Variants in SKI observed in about 807,000 individuals in gnomAD.
The protein encoded by SKI is SKI proto-oncogene.
In SKI, 23 loss-of-function variants were observed where a neutral mutation model predicts 59.3. The ratio of observed to expected loss-of-function variants is 0.39; its 90% CI spans 0.28 to 0.55. The LOEUF is 0.55. SKI is among the 20% of genes least tolerant of loss of function. SKI has a pLI of 0.67. For missense variants in SKI, 1,017 were observed against 1,038.9 expected, an observed-to-expected ratio of 0.98 and a Z score of 0.29; for synonymous variants, 673 against 488.6, an observed-to-expected ratio of 1.38 and a Z score of -4.98.
chr1:2,307,483 C>T lies in SKI; in HGVS notation c.*718C>T, dbSNP rs561087606. 15 of 152,508 alleles carry T rather than the reference C, an allele frequency of 9.8e-5. No individual in the cohort carries two copies. The highest frequency in any genetic ancestry group is 3.4e-4 in the African/African-American group (14 of 41,554). The allele number at this position is 152,508 out of a possible 1,614,324, so 9.4% of individuals were successfully genotyped here. On this transcript the variant is annotated 3_prime_UTR_variant, in exon 7 of 7. Coordinates refer to ENST00000378536, the MANE Select transcript of SKI (RefSeq NM_003036.4). Reference sequence around the variant, plus strand: ...GAGCTGAGGGGACGGTCTTCGGCTCCTCTGCACCCCGTGATTCTGCCCACG... The same window carrying T: ...GAGCTGAGGGGACGGTCTTCGGCTCTTCTGCACCCCGTGATTCTGCCCACG...
At chr1:2,236,468 G>A (rs557513169) in intron 1 of SKI, among the ~76,000 whole-genome samples, 65 of 152,116 alleles carry the variant, frequency 4.3e-4, no homozygotes, top group Non-Finnish European at 8.2e-4. Context: ...GTGCAGTGGC[G>A]TGATCTCGGC....
chr1:2,233,112 A>G (rs1027098223), intron 1 of SKI, among the ~76,000 whole-genome samples: 8 of 151,982 alleles, frequency 5.3e-5, no homozygotes, highest in Non-Finnish European at 1.2e-4. Context: ...ACGTCAGCCA[A>G]GCGCTTTCCG....
rs940141423 is a variant in SKI, at chr1:2,268,213, G to A, written c.970-34765G>A. Among the ~76,000 whole-genome samples, 2 of 152,188 alleles carry A rather than the reference G, an allele frequency of 1.3e-5. No individual in the cohort carries two copies. Among genetic ancestry groups the A allele is most frequent in the Non-Finnish European group, 2.9e-5 (2 of 68,028 alleles). On this transcript the variant is annotated intron_variant, in intron 1 of 6. Coordinates refer to ENST00000378536, the MANE Select transcript of SKI (RefSeq NM_003036.4). This position sits in a 1 kb window ranked among gnomAD's most constrained non-coding sequence, Gnocchi z 5.0. ...CCGCTGCTGTCGCCCATCCTTGGGG[G>A]CCGGCGTCGCCTCCCTGCTGCTCCT...
In SKI at chr1:2,303,395, A is replaced by T. The variant is rs1181706437; in HGVS notation, c.1206A>T (p.Arg402=). The change falls in exon 3 of 7, where the codon CGA becomes CGT. Residue 402 remains arginine (R), a synonymous_variant. Transcript: ENST00000378536. This position sits in a 1 kb window ranked among gnomAD's most constrained non-coding sequence, Gnocchi z 5.6. ...CCCCACACCTCCCGGCCCTCATCCG[A>T]GACAGGTGAGTGGGCGCCATTCACA... The part of the protein sequence containing the change: ...ELSPHLPALI[R]DSFYSYKSFE... 2.5e-6 allele frequency: 4 copies of T among 1,611,980 alleles called. No individual in the cohort carries two copies. The highest frequency in any genetic ancestry group is 1.7e-4 in the Middle Eastern group (1 of 6,060).
At chr1:2,304,679 C>G in intron 5 of SKI, 94 bp downstream of exon 5, 5 of 1,457,016 alleles carry the variant, frequency 3.4e-6, no homozygotes, top group Non-Finnish European at 4.5e-6. Flanking sequence ...CTCCTCCCTT[C>G]CTGGCTGCCC....
chr1:2,278,519 G>A (rs912855955), intron 1 of SKI, among the ~76,000 whole-genome samples: 4 of 152,186 alleles, frequency 2.6e-5, no homozygotes, highest in South Asian at 2.1e-4. Context: ...CCATCTGTGC[G>A]TGGCCTCAGC....
chr1:2,295,413 G>A (rs761799646), intron 1 of SKI, among the ~76,000 whole-genome samples: 33 of 152,198 alleles, frequency 2.2e-4, no homozygotes, highest in Non-Finnish European at 3.5e-4. Context: ...TATAATTTGC[G>A]TACCATAAAA....
chr1:2,238,941 C>T lies in SKI; in HGVS notation c.969+9206C>T, dbSNP rs74979681. Among the ~76,000 whole-genome samples, 1,096 of 152,290 alleles carry T rather than the reference C, an allele frequency of 7.2e-3. 12 individuals carry two copies. Among genetic ancestry groups the T allele is most frequent in the African/African-American group, 0.023 (940 of 41,574 alleles). On this transcript the variant is annotated intron_variant, in intron 1 of 6. Coordinates refer to ENST00000378536, the MANE Select transcript of SKI (RefSeq NM_003036.4). ...AGATCTCAGCTGCTGCTTCCCTGGA[C>T]GCCCGTGTGGACCTGGAGGGGGGTG...
intron 1 of SKI, among the ~76,000 whole-genome samples, chr1:2,277,650 C>G (rs1639772666): frequency 2.0e-5 from 3 of 152,212 alleles, no homozygotes. Flanking sequence ...CACGTCAGCA[C>G]TGTGGGCGCA....
intron 1 of SKI, among the ~76,000 whole-genome samples, chr1:2,233,288 C>T (rs1638682545): frequency 7.0e-6 from 1 of 142,406 alleles, no homozygotes; most frequent in Non-Finnish European, 1.6e-5. Flanking sequence ...GGGCCAGGGT[C>T]CTGTTCTGGG....
At chr1:2,260,266 G>A (rs998093499) in intron 1 of SKI, among the ~76,000 whole-genome samples, 4 of 152,184 alleles carry the variant, frequency 2.6e-5, no homozygotes, top group African/African-American at 7.2e-5. Context: ...CGTTGAGAAC[G>A]TAGAGTGGCT....
At chr1:2,296,827 C>T (rs1640298046) in intron 1 of SKI, among the ~76,000 whole-genome samples, 1 of 152,194 alleles carries the variant, frequency 6.6e-6, no homozygotes, top group African/African-American at 2.4e-5. Context: ...CTGAGGCCGC[C>T]ACGTTCCTGC....
At position 2,259,350 on chromosome 1, in the gene SKI, C is replaced by T. The variant is rs114191816; in HGVS notation, c.969+29615C>T. ...TGATCTAGAGAAAGAATAATTGTAA[C>T]GCAGGGCTACATTGTTTTTGTGAAA... On this transcript the variant is annotated intron_variant, in intron 1 of 6. Transcript: ENST00000378536. Among the ~76,000 whole-genome samples, 825 of 152,244 alleles carry T rather than the reference C, an allele frequency of 5.4e-3. 6 individuals carry two copies. The highest frequency in any genetic ancestry group is 0.019 in the African/African-American group (769 of 41,538).
At chr1:2,265,611 TC>T (rs1372077565) in intron 1 of SKI, among the ~76,000 whole-genome samples, 1 of 152,228 alleles carries the variant, frequency 6.6e-6, no homozygotes, top group African/African-American at 2.4e-5. Context: ...GTCCACATTT[TC>T]TTGCTTTCTG....
intron 1 of SKI, among the ~76,000 whole-genome samples, chr1:2,233,920 C>G (rs897063045): frequency 6.6e-6 from 1 of 152,240 alleles, no homozygotes; most frequent in Non-Finnish European, 1.5e-5. Flanking sequence ...CTCTCCCAGA[C>G]ACCCTCAGGT....
At chr1:2,274,977 C>T (rs1165662836) in intron 1 of SKI, among the ~76,000 whole-genome samples, 1 of 152,188 alleles carries the variant, frequency 6.6e-6, no homozygotes, top group East Asian at 1.9e-4. Context: ...CTGGTCTTTC[C>T]AGGCATCCCC....
intron 1 of SKI, among the ~76,000 whole-genome samples, chr1:2,265,897 G>A (rs1639491578): frequency 6.6e-6 from 1 of 152,102 alleles, no homozygotes. Flanking sequence ...GAACCCGGGA[G>A]GTGGAGGTTG....
At position 2,228,981 on chromosome 1, in the gene SKI, C is replaced by G; in HGVS notation, c.215C>G (p.Pro72Arg). The change falls in exon 1 of 7, where the codon CCC (proline) becomes CGC (arginine). Residue 72 changes from proline (P) to arginine (R), a missense_variant. Transcript: ENST00000378536. ...APVPAATEPP[P>R]VLHLPAIQPP... ...GTGCCCGCAGCCACCGAGCCGCCGCCCGTGCTGCACCTGCCCGCCATCCAG... is the reference window on the plus strand; with the variant it reads ...GTGCCCGCAGCCACCGAGCCGCCGCGCGTGCTGCACCTGCCCGCCATCCAG... The G allele has an allele frequency of 1.4e-6, 2 of 1,471,476 alleles. No homozygotes were observed. Among genetic ancestry groups the G allele is most frequent in the Non-Finnish European group, 9.0e-7 (1 of 1,113,896 alleles). 91.2% of individuals were successfully genotyped at this position (1,471,476 alleles called of 1,614,324 possible). A position where few individuals can be genotyped will look rare whatever the true frequency, so the allele number is the denominator to read the frequency against.
At chr1:2,299,794 A>G (rs544967311) in intron 1 of SKI, among the ~76,000 whole-genome samples, 144 of 152,166 alleles carry the variant, frequency 9.5e-4, no homozygotes, top group Non-Finnish European at 2.0e-3. Flanking sequence ...GGCCTTCTCA[A>G]TGGCTCTTCT....
Sources: gnomAD v4.1 joint callset for allele counts (sites outside exome capture counted in the v4.1 genomes callset) on GRCh38, gnomAD v4.1.1 for gene constraint, Gnocchi (gnomAD v3.1) non-coding constraint, MANE v1.5 for transcripts, NCBI Gene and HGNC (gene_info 2026-07-23, HGNC 2026-07-21) for gene names.